Variants in SLCO3A1 observed in about 807,000 individuals in gnomAD.
SLCO3A1 encodes solute carrier organic anion transporter family member 3A1, also known as PGE1 transporter.
In SLCO3A1, 27 loss-of-function variants were observed where a neutral mutation model predicts 63.1. The ratio of observed to expected loss-of-function variants is 0.43; its 90% CI spans 0.32 to 0.59. The LOEUF is 0.59. Among genes scored for constraint, SLCO3A1 ranks in the 20% least tolerant of loss-of-function variants. The pLI is 0.09. For missense variants in SLCO3A1, 773 were observed against 945.8 expected (o/e 0.82, Z 2.40); for synonymous variants, 473 against 409.9 (o/e 1.15, Z -1.86).
rs1356417 is a variant in SLCO3A1 at position 91,968,569 on chromosome 15, C to A, written c.646+52111C>A. ...CAGTGGCATCAAATTCTGGTGCTAA[C>A]AAAGGAAGTTCCATCACAGACAAGG... On this transcript the variant is annotated intron_variant, in intron 2 of 9. Transcript: ENST00000318445. This position sits in a 1 kb window ranked among gnomAD's most constrained non-coding sequence, Gnocchi z 4.2. Among the ~76,000 whole-genome samples, 50,350 of 151,626 alleles carry A rather than the reference C, an allele frequency of 0.33. 8,991 individuals carry two copies. The highest frequency in any genetic ancestry group is 0.4 in the Non-Finnish European group (27,467 of 67,846).
chr15:92,168,474 G>A (rs973814578), downstream of SLCO3A1, among the ~76,000 whole-genome samples: 1 of 152,190 alleles, frequency 6.6e-6, no homozygotes, highest in Admixed American at 6.5e-5. Flanking sequence ...GAACCAATGG[G>A]CTATGTTCCA....
rs1239035721 is a variant in SLCO3A1 at position 92,034,528 on chromosome 15, C to T, written c.647-60353C>T. Reference sequence around the variant, plus strand: ...GGGCATGGATGTAAGAAAAAGGGAGCCTGCAGCAACTCCCTTGCTGAGCAA... The same window carrying T: ...GGGCATGGATGTAAGAAAAAGGGAGTCTGCAGCAACTCCCTTGCTGAGCAA... On this transcript the variant is annotated intron_variant, in intron 2 of 9. Transcript: ENST00000318445. Among the ~76,000 whole-genome samples the T allele has an allele frequency of 1.3e-5, 2 of 151,604 alleles. 1 individual carries two copies. Among genetic ancestry groups the T allele is most frequent in the Non-Finnish European group, 2.9e-5 (2 of 67,804 alleles).
chr15:92,135,152 T>C (rs1480238122), intron 7 of SLCO3A1, among the ~76,000 whole-genome samples: 8 of 151,896 alleles, frequency 5.3e-5, no homozygotes, highest in Non-Finnish European at 1.0e-4. Context: ...AGGTTTGGAG[T>C]TGGAAGAGAG....
At chr15:91,957,804 A>G (rs368297028) in intron 2 of SLCO3A1, among the ~76,000 whole-genome samples, 1 of 152,144 alleles carries the variant, frequency 6.6e-6, no homozygotes, top group Non-Finnish European at 1.5e-5. Flanking sequence ...CATTAATTAG[A>G]TATATAGTTT....
At chr15:92,064,592 C>G (rs776232707) in intron 2 of SLCO3A1, among the ~76,000 whole-genome samples, 11 of 152,132 alleles carry the variant, frequency 7.2e-5, no homozygotes, top group Non-Finnish European at 1.6e-4. Context: ...CATTCAAACA[C>G]TACTCACGAT....
intron 2 of SLCO3A1, among the ~76,000 whole-genome samples, chr15:91,934,071 T>TATC (rs1899324149): frequency 6.6e-6 from 1 of 152,128 alleles, no homozygotes; most frequent in Admixed American, 6.6e-5. Flanking sequence ...TCATGGATGC[T>TATC]CAGAAGACAT....
chr15:91,913,132 G>A (rs751741587), intron 1 of SLCO3A1, among the ~76,000 whole-genome samples: 8 of 152,318 alleles, frequency 5.3e-5, no homozygotes, highest in African/African-American at 9.6e-5. Context: ...TCTGAACAGC[G>A]GCAAACACCT....
At position 92,147,660 on chromosome 15, in the gene SLCO3A1, T is replaced by G. The variant is rs115505086; in HGVS notation, c.1688+501T>G. 1.7e-3 allele frequency among the ~76,000 whole-genome samples: 262 copies of G among 152,280 alleles called. 1 individual carries two copies. Among genetic ancestry groups the G allele is most frequent in the Middle Eastern group, 6.8e-3 (2 of 294 alleles). ...AACACATAGAGACTTGACGGGTTATTGTGCAGCAGGGCTCACGGCAGGTGA... is the reference window on the plus strand; with the variant it reads ...AACACATAGAGACTTGACGGGTTATGGTGCAGCAGGGCTCACGGCAGGTGA... On this transcript the variant is annotated intron_variant, in intron 8 of 9. Transcript: ENST00000318445.
chr15:92,118,549 C>T (rs2047823118), intron 4 of SLCO3A1, among the ~76,000 whole-genome samples: 1 of 152,112 alleles, frequency 6.6e-6, no homozygotes, highest in Non-Finnish European at 1.5e-5. Context: ...ACTTATGCAT[C>T]CCCTATTATT....
rs143710202 is a variant in SLCO3A1 at position 91,885,132 on chromosome 15, G to A, written c.181-30861G>A. Among the ~76,000 whole-genome samples the A allele has an allele frequency of 2.6e-5, 4 of 152,288 alleles. No homozygotes were observed. Among genetic ancestry groups the A allele is most frequent in the Admixed American group, 6.5e-5 (1 of 15,304 alleles). The stretch of plus-strand genomic sequence containing the variant: ...GATGGGGGTGGTGCTGAGCCTGCCC[G>A]CCTGCTCTGCGTCACCTGGAAGGAG... On this transcript the variant is annotated intron_variant, in intron 1 of 9. Transcript: ENST00000318445. The surrounding 1 kb of genome is among the most constrained non-coding windows in gnomAD (Gnocchi z 4.7).
chr15:92,165,519 GT>G lies in SLCO3A1; in HGVS notation c.*2390del, dbSNP rs913320366. On this transcript the variant is annotated 3_prime_UTR_variant, in exon 10 of 10. Coordinates refer to ENST00000318445, the MANE Select transcript of SLCO3A1 (RefSeq NM_013272.4). ...TGCTTTGAGAGAAAAAAAAAAGAAA[GT>G]TTTTTAAACTCTTTGCATTTTGGAT... 8.2e-6 allele frequency: 8 copies of G among 981,036 alleles called. No homozygotes were observed. In the African/African-American group the frequency reaches 1.2e-4, roughly 15 times the overall value. 60.8% of individuals were successfully genotyped at this position (981,036 alleles called of 1,614,324 possible). A position where few individuals can be genotyped will look rare whatever the true frequency, so the allele number is the denominator to read the frequency against.
At chr15:92,040,067 G>A (rs1288130411) in intron 2 of SLCO3A1, among the ~76,000 whole-genome samples, 3 of 152,160 alleles carry the variant, frequency 2.0e-5, no homozygotes, top group African/African-American at 7.2e-5. Flanking sequence ...GGCAAGGGGA[G>A]GGAGAGCATT....
chr15:91,899,105 G>A (rs762016103), intron 1 of SLCO3A1, among the ~76,000 whole-genome samples: 124 of 152,166 alleles, frequency 8.1e-4, no homozygotes, highest in Non-Finnish European at 1.5e-3. Flanking sequence ...CTCCCAGAGG[G>A]TTTCAACATA....
chr15:91,919,522 T>A (rs1898772674), intron 2 of SLCO3A1, among the ~76,000 whole-genome samples: 1 of 152,178 alleles, frequency 6.6e-6, no homozygotes. Flanking sequence ...GTTCCTAGAG[T>A]GACTACATGG....
At chr15:92,004,951 G>A (rs574005617) in intron 2 of SLCO3A1, among the ~76,000 whole-genome samples, 2 of 152,208 alleles carry the variant, frequency 1.3e-5, no homozygotes, top group African/African-American at 4.8e-5. Flanking sequence ...TTTCCTTATG[G>A]GGATAATTAA....
rs936937188 is a variant in SLCO3A1 at position 91,883,870 on chromosome 15, G to A, written c.180+29782G>A. ...GCACCGTGTTACATGCATTTCTTCTGCTGTCCTTTTCATCCTCACACTGAG... is the reference window on the plus strand; with the variant it reads ...GCACCGTGTTACATGCATTTCTTCTACTGTCCTTTTCATCCTCACACTGAG... On this transcript the variant is annotated intron_variant, in intron 1 of 9. Coordinates refer to ENST00000318445, the MANE Select transcript of SLCO3A1 (RefSeq NM_013272.4). The surrounding 1 kb of genome is among the most constrained non-coding windows in gnomAD (Gnocchi z 4.8). 6.6e-6 allele frequency among the ~76,000 whole-genome samples: 1 copy of A among 152,146 alleles called. No individual in the cohort carries two copies. Among genetic ancestry groups the A allele is most frequent in the Non-Finnish European group, 1.5e-5 (1 of 68,028 alleles).
At chr15:92,154,930 G>A (rs770375326) in intron 9 of SLCO3A1, among the ~76,000 whole-genome samples, 4 of 152,214 alleles carry the variant, frequency 2.6e-5, no homozygotes, top group Non-Finnish European at 5.9e-5. Context: ...AAGCCTCATT[G>A]TCTGACTTCG....
chr15:92,016,216 G>C (rs1446122120), intron 2 of SLCO3A1, among the ~76,000 whole-genome samples: 4 of 82,646 alleles, frequency 4.8e-5, no homozygotes, highest in African/African-American at 2.0e-4. Flanking sequence ...TAGATAGATA[G>C]ATAGATAGAT....
intron 2 of SLCO3A1, among the ~76,000 whole-genome samples, chr15:91,946,928 C>T (rs534404488): frequency 1.2e-4 from 18 of 152,314 alleles, no homozygotes; most frequent in African/African-American, 4.3e-4. Flanking sequence ...GTGCGTGCTG[C>T]TGGAAGAAGT....
Sources: allele counts gnomAD v4.1 joint callset (sites outside exome capture counted in the v4.1 genomes callset), GRCh38; gene constraint gnomAD v4.1.1; non-coding constraint Gnocchi (gnomAD v3.1); transcripts MANE v1.5; gene names NCBI Gene and HGNC (gene_info 2026-07-23, HGNC 2026-07-21).